Variants in ITPK1 observed in about 807,000 individuals in gnomAD.
ITPK1 encodes inositol-tetrakisphosphate 1-kinase.
Under a neutral mutation model 45.3 loss-of-function variants are expected in ITPK1, and 21 were observed. That is an observed-to-expected ratio of 0.46 (90% CI 0.33 to 0.67). The LOEUF (loss-of-function observed/expected upper bound fraction) is 0.67, where lower values mean the gene tolerates loss of function less well. ITPK1 is among the 30% of genes least tolerant of loss of function. The pLI, the probability that ITPK1 is intolerant of heterozygous loss-of-function variation, is 0.02. For missense variants in ITPK1, 474 were observed against 573.5 expected (o/e 0.83, Z 1.77); for synonymous variants, 258 against 253.6 (o/e 1.02, Z -0.16).
chr14:93,105,792 C>A (rs1892500764), intron 2 of ITPK1, among the ~76,000 whole-genome samples: 1 of 151,634 alleles, frequency 6.6e-6, no homozygotes, highest in African/African-American at 2.4e-5. Flanking sequence ...CAACATCCAC[C>A]TCCCGGGTTC....
intron 3 of ITPK1, among the ~76,000 whole-genome samples, chr14:93,041,898 A>C (rs1277982263): frequency 6.6e-6 from 1 of 152,172 alleles, no homozygotes; most frequent in Non-Finnish European, 1.5e-5. Context: ...AAAACACAGC[A>C]AATCTATCCT....
rs1887338362 is a variant in ITPK1, at chr14:92,940,870, G to A, written c.*691C>T. On this transcript the variant is annotated 3_prime_UTR_variant, in exon 11 of 11. Transcript: ENST00000267615. ...TGGCTTAGGGGAAGGAGACCGCTGTGCAGGGCTAAATGGGACGTGTGTTGG... is the reference window on the plus strand; with the variant it reads ...TGGCTTAGGGGAAGGAGACCGCTGTACAGGGCTAAATGGGACGTGTGTTGG... The A allele has an allele frequency of 7.8e-7, 1 of 1,288,692 alleles. No homozygotes were observed. The highest frequency in any genetic ancestry group is 1.0e-6 in the Non-Finnish European group (1 of 988,776). The allele number at this position is 1,288,692 out of a possible 1,614,324, so 79.8% of individuals were successfully genotyped here.
intron 4 of ITPK1, among the ~76,000 whole-genome samples, chr14:93,005,160 G>C (rs1355984788): frequency 6.6e-6 from 1 of 152,158 alleles, no homozygotes. Context: ...TGCGGTCTTG[G>C]TGGTGTGTCA....
Position 93,036,396 on chromosome 14 carries a change from A to G in ITPK1, c.121-19595T>C, listed in dbSNP as rs146754444. Among the ~76,000 whole-genome samples, 1 of 152,354 alleles carries G rather than the reference A, an allele frequency of 6.6e-6. No individual in the cohort carries two copies. Among genetic ancestry groups the G allele is most frequent in the East Asian group, 1.9e-4 (1 of 5,188 alleles). On this transcript the variant is annotated intron_variant, in intron 3 of 10. Transcript: ENST00000267615. This position sits in a 1 kb window ranked among gnomAD's most constrained non-coding sequence, Gnocchi z 4.1. The stretch of plus-strand genomic sequence containing the variant: ...GGTTTAAGATAAACCAAAGATGCTG[A>G]GAGAACAAATGTGACAGGCTCCTCA...
intron 2 of ITPK1, among the ~76,000 whole-genome samples, chr14:93,094,090 C>T (rs1891972161): frequency 6.6e-6 from 1 of 152,232 alleles, no homozygotes; most frequent in Non-Finnish European, 1.5e-5. Context: ...CCAGCTCTTA[C>T]ACCTGGGTGG....
rs901042279 is a variant in ITPK1 at position 92,938,179 on chromosome 14, C to T, written c.*3382G>A. 31 of 455,902 alleles carry T rather than the reference C, an allele frequency of 6.8e-5. 1 individual carries two copies. Among genetic ancestry groups the T allele is most frequent in the Admixed American group, 5.3e-4 (14 of 26,504 alleles). 28.2% of individuals were successfully genotyped at this position (455,902 alleles called of 1,614,324 possible). A position where few individuals can be genotyped will look rare whatever the true frequency, so the allele number is the denominator to read the frequency against. On this transcript the variant is annotated 3_prime_UTR_variant, in exon 11 of 11. Coordinates refer to ENST00000267615, the MANE Select transcript of ITPK1 (RefSeq NM_014216.6). ...TTCACCATGTTGGCCAGGATGGTGTCGATCTCTTGACCTTGTGATCCACCT... is the reference window on the plus strand; with the variant it reads ...TTCACCATGTTGGCCAGGATGGTGTTGATCTCTTGACCTTGTGATCCACCT...
At chr14:93,056,150 A>G (rs1411514862) in intron 3 of ITPK1, among the ~76,000 whole-genome samples, 1 of 152,198 alleles carries the variant, frequency 6.6e-6, no homozygotes, top group East Asian at 1.9e-4. Flanking sequence ...CTGTGTGAGT[A>G]GAGACTGGTG....
chr14:92,958,196 GT>G lies in ITPK1; in HGVS notation c.670+4del. 1 of 1,614,102 alleles carries G rather than the reference GT, an allele frequency of 6.2e-7. No individual in the cohort carries two copies. The highest frequency in any genetic ancestry group is 8.5e-7 in the Non-Finnish European group (1 of 1,179,962). On this transcript the variant is annotated splice_donor_region_variant and intron_variant, in intron 8 of 10. Transcript: ENST00000267615. The surrounding 1 kb of genome is among the most constrained non-coding windows in gnomAD (Gnocchi z 4.4). Reference sequence around the variant, plus strand: ...TCAGCCCAAGATGGTGAGAAGAGCAGTTACCTGATGTGCCTGCGGAGAAGTT... The same window carrying G: ...TCAGCCCAAGATGGTGAGAAGAGCAGTACCTGATGTGCCTGCGGAGAAGTT...
chr14:93,021,418 C>T (rs1888453323), intron 3 of ITPK1, among the ~76,000 whole-genome samples: 1 of 151,988 alleles, frequency 6.6e-6, no homozygotes, highest in Admixed American at 6.6e-5. Context: ...ATGGTGAAAC[C>T]CTGTCTCTAC....
intron 5 of ITPK1, among the ~76,000 whole-genome samples, chr14:92,976,566 T>G (rs1235981579): frequency 6.6e-6 from 1 of 152,240 alleles, no homozygotes; most frequent in African/African-American, 2.4e-5. Flanking sequence ...AAATGAAGGC[T>G]CATAGAGATG....
intron 2 of ITPK1, among the ~76,000 whole-genome samples, chr14:93,080,099 G>C (rs1017276842): frequency 2.0e-5 from 3 of 152,234 alleles, no homozygotes; most frequent in African/African-American, 7.2e-5. Context: ...ATGCACCCAC[G>C]AGGAATTATC....
At chr14:93,061,520 G>A (rs944075482) in intron 3 of ITPK1, among the ~76,000 whole-genome samples, 3 of 152,164 alleles carry the variant, frequency 2.0e-5, no homozygotes, top group African/African-American at 7.2e-5. Flanking sequence ...AGGAGGGGAG[G>A]GAGGGCACAT....
chr14:93,092,940 C>T (rs981076639), intron 2 of ITPK1, among the ~76,000 whole-genome samples: 1 of 152,182 alleles, frequency 6.6e-6, no homozygotes, highest in Admixed American at 6.5e-5. Flanking sequence ...CCAGCCACGG[C>T]GCGTGCCTCC....
At chr14:92,986,860 C>A (rs1428764431) in intron 5 of ITPK1, among the ~76,000 whole-genome samples, 1 of 152,174 alleles carries the variant, frequency 6.6e-6, no homozygotes, top group Non-Finnish European at 1.5e-5. Flanking sequence ...TTGAGTCTCT[C>A]CTGGGAGCCT....
At chr14:93,041,266 C>G (rs576115727) in intron 3 of ITPK1, among the ~76,000 whole-genome samples, 8 of 152,330 alleles carry the variant, frequency 5.3e-5, no homozygotes, top group African/African-American at 1.7e-4. Flanking sequence ...GCCCTCTGTC[C>G]TACAAAGTAC....
intron 5 of ITPK1, among the ~76,000 whole-genome samples, chr14:92,965,361 C>A (rs1885289092): frequency 6.6e-6 from 1 of 152,208 alleles, no homozygotes; most frequent in Non-Finnish European, 1.5e-5. Context: ...AATAAGGGAG[C>A]TTCTTCAACC....
chr14:93,096,668 G>A (rs1892094176), intron 2 of ITPK1, among the ~76,000 whole-genome samples: 1 of 152,226 alleles, frequency 6.6e-6, no homozygotes, highest in African/African-American at 2.4e-5. Flanking sequence ...AGTCCTGGCT[G>A]CAGATTCACC....
At chr14:93,027,397 A>G (rs1408891163) in intron 3 of ITPK1, among the ~76,000 whole-genome samples, 1 of 152,054 alleles carries the variant, frequency 6.6e-6, no homozygotes, top group Non-Finnish European at 1.5e-5. Flanking sequence ...ACCCAGCCCA[A>G]CTCTACGCAC....
chr14:93,018,625 T>A (rs12587862), intron 3 of ITPK1, among the ~76,000 whole-genome samples: 1 of 151,776 alleles, frequency 6.6e-6, no homozygotes, highest in Non-Finnish European at 1.5e-5. Context: ...CAAAACAACA[T>A]AAAATAAAAC....
Sources: allele counts gnomAD v4.1 joint callset (sites outside exome capture counted in the v4.1 genomes callset), GRCh38; gene constraint gnomAD v4.1.1; non-coding constraint Gnocchi (gnomAD v3.1); transcripts MANE v1.5; gene names NCBI Gene and HGNC (gene_info 2026-07-23, HGNC 2026-07-21).